GIT2: variants seen among roughly 807,000 people sequenced by gnomAD.
GIT2 encodes the protein GIT ArfGAP 2.
In GIT2, 32 loss-of-function variants were observed where a neutral mutation model predicts 100.3. The observed-to-expected ratio is 0.32, with a 90% CI of 0.24 to 0.43. The LOEUF (loss-of-function observed/expected upper bound fraction) is 0.43. Ranked by LOEUF, GIT2 falls within the 20% of genes least tolerant of loss-of-function variation. The pLI is 1.00. For synonymous variants in GIT2, 353 were observed against 364.1 expected, an observed-to-expected ratio of 0.97 and a Z score of 0.35; for missense variants, 737 against 975.1, an observed-to-expected ratio of 0.76 and a Z score of 3.25.
chr12:109,987,841 G>A (rs532179341), intron 4 of GIT2, among the ~76,000 whole-genome samples: 4 of 152,258 alleles, frequency 2.6e-5, no homozygotes, highest in Admixed American at 1.3e-4. Flanking sequence ...CCAAGGCAGC[G>A]CTTTGAAAAT....
At chr12:109,951,586 T>C (rs1013461509) in intron 13 of GIT2, among the ~76,000 whole-genome samples, 7 of 152,242 alleles carry the variant, frequency 4.6e-5, no homozygotes, top group African/African-American at 1.7e-4. Context: ...CTGTCCTGTC[T>C]TGTAAGCCTT....
chr12:109,947,375 G>A lies in GIT2; in HGVS notation c.1522C>T (p.Arg508Trp), dbSNP rs376799498. 8 of 1,614,022 alleles carry A rather than the reference G, an allele frequency of 5.0e-6. No individual in the cohort carries two copies. The African/African-American group carries it at 6.7e-5, about 13-fold the overall frequency. ...TACATGGACATGGGCCTACTGCCCC[G>A]GGCAGACGGACGTCTCTTTAAGGAA... Reference protein sequence around the residue: ...HSSLKRRPSARGSRPMSMYET... With the variant: ...HSSLKRRPSAWGSRPMSMYET... The change falls in exon 15 of 20, where the codon CGG becomes TGG. Residue 508 changes from arginine (R) to tryptophan (W), a missense_variant. By Grantham distance (101) the Arg-to-Trp change is moderately radical (BLOSUM62 -3). Around this residue, in one of 3 missense-constraint regions of GIT2, gnomAD observed 451 missense variants for 543.7 expected, o/e 0.83. Coordinates refer to ENST00000355312, the MANE Select transcript of GIT2 (RefSeq NM_057169.5). This position sits in a 1 kb window ranked among gnomAD's most constrained non-coding sequence, Gnocchi z 4.3.
At position 109,961,350 on chromosome 12, in the gene GIT2, G is replaced by A. The variant is rs367689070; in HGVS notation, c.915C>T (p.Ser305=). ...CGACCGTTGTCTCGGTTACCAGGGCGCTGTGGTTTTGCGTGGCAAGCCAGA... is the reference window on the plus strand; with the variant it reads ...CGACCGTTGTCTCGGTTACCAGGGCACTGTGGTTTTGCGTGGCAAGCCAGA... ...DAVWLATQNH[S]ALVTETTVVP... is the part of the protein sequence containing the mutation. The change falls in exon 11 of 20, where the codon AGC becomes AGT. Residue 305 remains serine (S), a synonymous_variant. Transcript: ENST00000355312. The A allele has an allele frequency of 3.6e-5, 58 of 1,612,972 alleles. No individual in the cohort carries two copies. Among genetic ancestry groups the A allele is most frequent in the South Asian group, 6.6e-5 (6 of 91,060 alleles).
rs1166991468 is a variant in GIT2 at position 109,996,360 on chromosome 12, C to T, written c.-136G>A. On this transcript the variant is annotated 5_prime_UTR_variant, in exon 1 of 20. Transcript: ENST00000355312. ...CGCCTCTCCCCTCAGCGCCTTGCAG[C>T]CTTGGCACAGCACGCACGCGCGGGG... 4 of 596,110 alleles carry T rather than the reference C, an allele frequency of 6.7e-6. No individual in the cohort carries two copies. In the African/African-American group the frequency reaches 7.9e-5, roughly 12 times the overall value. The allele number at this position is 596,110 out of a possible 1,614,324, so 36.9% of individuals were successfully genotyped here.
At chr12:109,953,889 A>T (rs1878598815) in intron 12 of GIT2, 1 of 152,364 alleles carries the variant, frequency 6.6e-6, no homozygotes. Context: ...GGTCATGAAG[A>T]TAAGGCTGTA....
rs375644523 is a variant in GIT2 at position 109,996,071 on chromosome 12, C to A, written c.52+102G>T. 2.4e-5 allele frequency: 18 copies of A among 736,576 alleles called. No homozygotes were observed. In the African/African-American group the frequency reaches 2.8e-4, roughly 11 times the overall value. 45.6% of individuals were successfully genotyped at this position (736,576 alleles called of 1,614,324 possible). A position where few individuals can be genotyped will look rare whatever the true frequency, so the allele number is the denominator to read the frequency against. ...AGGCCGCCCAGGGACCTCTTCGTTG[C>A]GACCCTAGCCGCGGGATGCAGCCTG... On this transcript the variant is annotated intron_variant, in intron 1 of 19. Coordinates refer to ENST00000355312, the MANE Select transcript of GIT2 (RefSeq NM_057169.5).
intron 14 of GIT2, among the ~76,000 whole-genome samples, chr12:109,950,314 A>T (rs1407871585): frequency 6.6e-6 from 1 of 152,260 alleles, no homozygotes; most frequent in Non-Finnish European, 1.5e-5. Context: ...CTCAAATGAC[A>T]GCCTAAAGAC....
chr12:109,977,494 G>A (rs1205843442), intron 7 of GIT2, among the ~76,000 whole-genome samples: 1 of 152,102 alleles, frequency 6.6e-6, no homozygotes, highest in Non-Finnish European at 1.5e-5. Context: ...CTAGGCGATG[G>A]AGTGAGACCC....
chr12:109,996,991 C>T (rs564488419), upstream of GIT2, among the ~76,000 whole-genome samples: 1 of 151,014 alleles, frequency 6.6e-6, no homozygotes, highest in African/African-American at 2.4e-5. Flanking sequence ...GCGGGTGGAT[C>T]ACGAGGTCAG....
chr12:109,997,286 T>C (rs1421580842), upstream of GIT2: 4 of 148,104 alleles, frequency 2.7e-5, no homozygotes, highest in African/African-American at 7.5e-5. Context: ...GGCTGAGGCA[T>C]GAGAATCGCT....
chr12:109,936,467 A>G (rs1390993614), intron 18 of GIT2, among the ~76,000 whole-genome samples: 3 of 152,256 alleles, frequency 2.0e-5, no homozygotes, highest in Non-Finnish European at 4.4e-5. Flanking sequence ...TTGAAATACA[A>G]GCACAGCACT....
At chr12:109,944,256 G>C (rs1875647635) in intron 16 of GIT2, among the ~76,000 whole-genome samples, 1 of 152,212 alleles carries the variant, frequency 6.6e-6, no homozygotes, top group African/African-American at 2.4e-5. Flanking sequence ...GGAAAGAAAG[G>C]CTCTCCATAA....
intron 6 of GIT2, 172 bp from the exon 7 acceptor site, chr12:109,981,218 T>C (rs1242988505): frequency 1.7e-6 from 1 of 580,768 alleles, no homozygotes; most frequent in African/African-American, 1.9e-5. Flanking sequence ...ATCCCACTTT[T>C]ATAAACTGTT....
rs752515473 is a variant in GIT2, at chr12:109,947,364, C to T, written c.1533G>A (p.Arg511=). ...LKRRPSARGS[R]PMSMYETGSG... is the part of the protein sequence containing the mutation. ...ATCCGGTCTCGTACATGGACATGGG[C>T]CTACTGCCCCGGGCAGACGGACGTC... The change falls in exon 15 of 20, where the codon AGG becomes AGA. Residue 511 remains arginine, a synonymous_variant. Transcript: ENST00000355312. This position sits in a 1 kb window ranked among gnomAD's most constrained non-coding sequence, Gnocchi z 4.3. The T allele has an allele frequency of 4.2e-5, 67 of 1,613,994 alleles. No homozygotes were observed. Among genetic ancestry groups the T allele is most frequent in the South Asian group, 5.5e-5 (5 of 91,088 alleles).
chr12:109,966,777 T>A (rs999481398), intron 8 of GIT2, among the ~76,000 whole-genome samples: 9 of 152,200 alleles, frequency 5.9e-5, no homozygotes, highest in African/African-American at 2.2e-4. Flanking sequence ...CAAAGGTAAC[T>A]TGCAAAACAA....
intron 7 of GIT2, among the ~76,000 whole-genome samples, chr12:109,976,282 A>G (rs1395262862): frequency 6.7e-6 from 1 of 148,826 alleles, no homozygotes; most frequent in East Asian, 2.0e-4. Flanking sequence ...CCTACTAGAT[A>G]ATTTTTTTTT....
At chr12:109,999,860 A>G (rs1188815385), upstream of GIT2, 1 of 1,331,288 alleles carries the variant, frequency 7.5e-7, no homozygotes, top group Non-Finnish European at 1.0e-6. The surrounding 1 kb of genome is among the most constrained non-coding windows in gnomAD (Gnocchi z 4.3). Context: ...CCCTGAGCCC[A>G]TTTCCAGCCC....
intron 9 of GIT2, among the ~76,000 whole-genome samples, chr12:109,964,007 C>T (rs1409704115): frequency 6.6e-6 from 1 of 152,204 alleles, no homozygotes; most frequent in Non-Finnish European, 1.5e-5. Flanking sequence ...GTCTTTACTT[C>T]ATGCCTGCCA....
At chr12:109,959,070 G>GTT (rs777221325) in intron 12 of GIT2, among the ~76,000 whole-genome samples, 9 of 140,270 alleles carry the variant, frequency 6.4e-5, no homozygotes, top group African/African-American at 5.2e-5. Flanking sequence ...TTTCTTTTCC[G>GTT]TTTTTTTTTT....
Sources: gnomAD v4.1 joint callset for allele counts (sites outside exome capture counted in the v4.1 genomes callset) on GRCh38, gnomAD v4.1.1 for gene constraint, gnomAD v4.1.1 regional missense constraint, Gnocchi (gnomAD v3.1) non-coding constraint, MANE v1.5 for transcripts, NCBI Gene and HGNC (gene_info 2026-07-23, HGNC 2026-07-21) for gene names.